The following MME variants were observed in gnomAD, a reference collection of about 807,000 sequenced individuals.
MME encodes membrane metalloendopeptidase.
In MME, 98 loss-of-function variants were observed where a neutral mutation model predicts 113.2. That is an observed-to-expected ratio of 0.87 (90% confidence interval 0.74 to 1.02). MME has a LOEUF of 1.02. Among genes scored for constraint, MME ranks in the 50% least tolerant of loss-of-function variants. The pLI, the probability that MME is intolerant of heterozygous loss-of-function variation, is 0.00. For synonymous variants in MME, 292 were observed against 300.6 expected (o/e 0.97, Z 0.30); for missense variants, 836 against 896.0 (o/e 0.93, Z 0.86).
chr3:155,163,882 C>G (rs978941692), intron 17 of MME, among the ~76,000 whole-genome samples: 11 of 152,016 alleles, frequency 7.2e-5, no homozygotes, highest in African/African-American at 2.7e-4. Flanking sequence ...GTGGCTCATG[C>G]CTGTAATCCC....
At chr3:155,068,935 G>A (rs143808292) in intron 1 of MME, among the ~76,000 whole-genome samples, 3 of 152,090 alleles carry the variant, frequency 2.0e-5, no homozygotes, top group African/African-American at 7.2e-5. Flanking sequence ...ATCCTGTGGA[G>A]TTGATAATGC....
chr3:155,092,125 G>A (rs1409125187), intron 3 of MME, among the ~76,000 whole-genome samples: 3 of 152,192 alleles, frequency 2.0e-5, no homozygotes, highest in Admixed American at 2.0e-4. Flanking sequence ...ATTGGATGAT[G>A]CTCAGCCACA....
intron 17 of MME, among the ~76,000 whole-genome samples, chr3:155,164,332 A>G (rs555668331): frequency 1.3e-5 from 2 of 152,232 alleles, no homozygotes; most frequent in African/African-American, 2.4e-5. Flanking sequence ...TCATGGCCCA[A>G]TGACTTATTT....
chr3:155,118,576 C>G (rs1288097391), intron 7 of MME, among the ~76,000 whole-genome samples, 170 bp from the exon 8 acceptor site: 1 of 152,138 alleles, frequency 6.6e-6, no homozygotes, highest in African/African-American at 2.4e-5. Context: ...ATAACACTTA[C>G]AAGTAGTGTA....
chr3:155,116,404 G>A, intron 4 of MME, 75 bp from the exon 5 acceptor site: 1 of 1,117,498 alleles, frequency 8.9e-7, no homozygotes, highest in South Asian at 1.3e-5. Flanking sequence ...GTTAATTACT[G>A]CAAATGAGCA....
At chr3:155,173,322 G>A (rs573856674) in intron 22 of MME, among the ~76,000 whole-genome samples, 1 of 137,096 alleles carries the variant, frequency 7.3e-6, no homozygotes, top group Non-Finnish European at 1.5e-5. Flanking sequence ...ACACCTCTCA[G>A]GCAAGAAAGT....
In MME at chr3:155,140,360, T is replaced by C. The variant is rs182141625; in HGVS notation, c.957+68T>C. On this transcript the variant is annotated intron_variant, in intron 10 of 22. Transcript: ENST00000360490. ...TAAATTATAACATTGAAATACTCTT[T>C]CTAAAATTCGTCAAGTTTTTATTTA... 56 of 985,554 alleles carry C rather than the reference T, an allele frequency of 5.7e-5. No individual in the cohort carries two copies. The East Asian group carries it at 1.4e-3, about 25-fold the overall frequency. 61.1% of individuals were successfully genotyped at this position (985,554 alleles called of 1,614,324 possible).
chr3:155,164,408 A>T (rs1188735206), intron 17 of MME, among the ~76,000 whole-genome samples: 7 of 152,146 alleles, frequency 4.6e-5, no homozygotes, highest in Non-Finnish European at 8.8e-5. Flanking sequence ...GTTATAAACA[A>T]CAGTTGTGAT....
chr3:155,116,607 T>TATATATATA (rs10664276), intron 5 of MME, 48 bp downstream of exon 5: 2,524 of 1,436,540 alleles, frequency 1.8e-3, no homozygotes, highest in Admixed American at 3.5e-3. Context: ...TATATATATA[T>TATATATATA]TGGTGCCAAA....
At chr3:155,035,680 G>T (rs1713105874) in intron 1 of MME, among the ~76,000 whole-genome samples, 1 of 152,186 alleles carries the variant, frequency 6.6e-6, no homozygotes, top group Non-Finnish European at 1.5e-5. Flanking sequence ...GAGTATCCTT[G>T]ACATGTTTAA....
rs901542244 is a variant in MME, at chr3:155,180,528, C to T, written c.*69C>T. ...CCACAGAAATGGGGAATTCTCTAAT[C>T]GAAAGAAAATGGGCCCTAGGGGTCA... On this transcript the variant is annotated 3_prime_UTR_variant, in exon 23 of 23. Transcript: ENST00000360490. 1.8e-5 allele frequency: 23 copies of T among 1,276,106 alleles called. 1 individual carries two copies. The highest frequency in any genetic ancestry group is 1.7e-4 in the South Asian group (14 of 84,174). The allele number at this position is 1,276,106 out of a possible 1,614,324, so 79.0% of individuals were successfully genotyped here.
intron 15 of MME, among the ~76,000 whole-genome samples, chr3:155,147,433 G>A (rs1383752878): frequency 1.3e-5 from 2 of 151,994 alleles, no homozygotes. Context: ...TGTTCATTTG[G>A]TTTCCATATA....
rs769151753 is a variant in MME, at chr3:155,115,171, G to C, written c.358+16G>C. On this transcript the variant is annotated intron_variant, in intron 4 of 22. Transcript: ENST00000360490. ...GTTTTGAAAGGTTAGTAGAGATTGT[G>C]TCTGTGCATCAAAGATTTCTCTCTT... 6.2e-7 allele frequency: 1 copy of C among 1,613,302 alleles called. No individual in the cohort carries two copies. The highest frequency in any genetic ancestry group is 8.5e-7 in the Non-Finnish European group (1 of 1,179,542).
chr3:155,031,543 G>A (rs1286963512), intron 1 of MME, among the ~76,000 whole-genome samples: 1 of 152,174 alleles, frequency 6.6e-6, no homozygotes, highest in Non-Finnish European at 1.5e-5. Flanking sequence ...GCAATCTCTT[G>A]TAAAGAAATG....
chr3:155,124,289 T>G (rs1719405436), intron 8 of MME, among the ~76,000 whole-genome samples: 2 of 152,068 alleles, frequency 1.3e-5, no homozygotes, highest in South Asian at 4.1e-4. Flanking sequence ...TAAGCACTTC[T>G]CTGTATTGGT....
chr3:155,046,544 G>A (rs1181129146), intron 1 of MME, among the ~76,000 whole-genome samples: 2 of 152,122 alleles, frequency 1.3e-5, no homozygotes, highest in Non-Finnish European at 2.9e-5. Context: ...AAAAAAATTA[G>A]GTGGGCGTGG....
chr3:155,162,703 C>A (rs1036961773), intron 17 of MME, among the ~76,000 whole-genome samples: 1 of 151,962 alleles, frequency 6.6e-6, no homozygotes, highest in African/African-American at 2.4e-5. Flanking sequence ...AAATCTCCAT[C>A]TTTTTTCTTG....
chr3:155,170,219 A>G (rs1363217889), intron 20 of MME, among the ~76,000 whole-genome samples: 1 of 151,960 alleles, frequency 6.6e-6, no homozygotes, highest in East Asian at 1.9e-4. Context: ...TAATTTTTGT[A>G]TTTGTAGTAG....
At chr3:155,139,780 G>A (rs1311488546) in intron 9 of MME, among the ~76,000 whole-genome samples, 2 of 152,080 alleles carry the variant, frequency 1.3e-5, no homozygotes. Flanking sequence ...TTTTAACTAG[G>A]ACACCGAATG....
Sources: gnomAD v4.1 joint callset for allele counts (sites outside exome capture counted in the v4.1 genomes callset) on GRCh38, gnomAD v4.1.1 for gene constraint, MANE v1.5 for transcripts, NCBI Gene and HGNC (gene_info 2026-07-23, HGNC 2026-07-21) for gene names.